PTPN22: variants seen among roughly 807,000 people sequenced by gnomAD.
The protein encoded by PTPN22 is protein tyrosine phosphatase non-receptor type 22.
Under a neutral mutation model 103.3 loss-of-function variants are expected in PTPN22, and 85 were observed. That is an observed-to-expected ratio of 0.82 (90% CI 0.69 to 0.99). The LOEUF is 0.99. Among genes scored for constraint, PTPN22 ranks in the 50% least tolerant of loss-of-function variants. The pLI is 0.00. For missense variants in PTPN22, 865 were observed against 936.9 expected, an observed-to-expected ratio of 0.92 and a Z score of 1.00; for synonymous variants, 323 against 310.2, an observed-to-expected ratio of 1.04 and a Z score of -0.43.
exon 13 of PTPN22, chr1:113,837,677 A>T: frequency 6.2e-7 from 1 of 1,602,480 alleles, no homozygotes; most frequent in Non-Finnish European, 8.6e-7. Context: ...TAATAAGAGA[A>T]GAGGGATGTA....
chr1:113,841,054 G>A (rs995114784), intron 11 of PTPN22, among the ~76,000 whole-genome samples: 16 of 151,928 alleles, frequency 1.1e-4, no homozygotes, highest in Non-Finnish European at 1.6e-4. Flanking sequence ...GAGAAACCCC[G>A]TCTCTACTAA....
At chr1:113,814,793 A>G (rs1661032386) in exon 21 of PTPN22, 3 of 855,000 alleles carry the variant, frequency 3.5e-6, no homozygotes, top group South Asian at 1.5e-5. Flanking sequence ...ACATTAGCAT[A>G]TCTTCATATT....
At chr1:113,814,217 A>G (rs1428242238) in exon 21 of PTPN22, 1 of 152,278 alleles carries the variant, frequency 6.6e-6, no homozygotes, top group Non-Finnish European at 1.5e-5. Flanking sequence ...TTTTGCTACC[A>G]AAAGATAGCT....
At chr1:113,862,796 G>A (rs1477650603) in intron 1 of PTPN22, among the ~76,000 whole-genome samples, 2 of 152,076 alleles carry the variant, frequency 1.3e-5, no homozygotes, top group African/African-American at 4.8e-5. Flanking sequence ...ATTATACCAA[G>A]CCTCCATCAG....
At chr1:113,864,075 C>T in intron 1 of PTPN22, 1 of 324,398 alleles carries the variant, frequency 3.1e-6, no homozygotes, top group Non-Finnish European at 6.0e-6. Flanking sequence ...CGCACCATTG[C>T]ACTCTGGTCT....
At chr1:113,814,235 TTCATTG>T (rs1392712582) in exon 21 of PTPN22, 1 of 152,262 alleles carries the variant, frequency 6.6e-6, no homozygotes, top group Non-Finnish European at 1.5e-5. Flanking sequence ...GCTATTATAT[TTCATTG>T]ATTACTTTTC....
At position 113,856,372 on chromosome 1, in the gene PTPN22, T is replaced by A. The variant is rs1370591103; in HGVS notation, c.540+10A>T. On this transcript the variant is annotated intron_variant, in intron 7 of 20. Coordinates refer to ENST00000359785, the Ensembl canonical transcript of PTPN22. ...GGCTTTTGAGTTTATCATTCTTATTTTATACTTACACTATTGAACTTAACT... is the reference window on the plus strand; with the variant it reads ...GGCTTTTGAGTTTATCATTCTTATTATATACTTACACTATTGAACTTAACT... 6.4e-7 allele frequency: 1 copy of A among 1,553,604 alleles called. No homozygotes were observed. The highest frequency in any genetic ancestry group is 8.7e-7 in the Non-Finnish European group (1 of 1,150,208).
At chr1:113,871,205 T>G (rs1187677370) in intron 1 of PTPN22, among the ~76,000 whole-genome samples, 1 of 152,194 alleles carries the variant, frequency 6.6e-6, no homozygotes, top group Non-Finnish European at 1.5e-5. Context: ...ATTAGTAATA[T>G]AAAGCATAAA....
intron 11 of PTPN22, among the ~76,000 whole-genome samples, chr1:113,846,711 A>T (rs1409075446): frequency 6.6e-6 from 1 of 152,006 alleles, no homozygotes; most frequent in Non-Finnish European, 1.5e-5. Flanking sequence ...GCCCTGAAGG[A>T]TGTTTTCACT....
At chr1:113,815,716 T>A (rs567936230) in intron 20 of PTPN22, among the ~76,000 whole-genome samples, 2 of 152,362 alleles carry the variant, frequency 1.3e-5, no homozygotes, top group Non-Finnish European at 2.9e-5. Context: ...TCTTGCTCTG[T>A]CGCCCAGGCT....
At chr1:113,822,967 CG>C (rs996879417) in intron 19 of PTPN22, among the ~76,000 whole-genome samples, 1 of 152,024 alleles carries the variant, frequency 6.6e-6, no homozygotes, top group African/African-American at 2.4e-5. Flanking sequence ...TCAAAAAAAG[CG>C]GGGGCTTTCT....
At chr1:113,855,768 T>C (rs566546580) in intron 7 of PTPN22, among the ~76,000 whole-genome samples, 6 of 152,300 alleles carry the variant, frequency 3.9e-5, no homozygotes, top group Admixed American at 2.0e-4. Flanking sequence ...AGGAAATAGC[T>C]AGATATGAAA....
At chr1:113,840,374 C>T (rs1332948145) in intron 11 of PTPN22, among the ~76,000 whole-genome samples, 1 of 151,998 alleles carries the variant, frequency 6.6e-6, no homozygotes, top group Non-Finnish European at 1.5e-5. Context: ...AAACGAGTTG[C>T]ATTTCTATAC....
chr1:113,852,060 C>T (rs1469411769), exon 10 of PTPN22: 5 of 1,611,720 alleles, frequency 3.1e-6, no homozygotes, highest in Non-Finnish European at 4.2e-6. Context: ...TCTGTGTCCG[C>T]ATTTCCCGGA....
intron 1 of PTPN22, among the ~76,000 whole-genome samples, chr1:113,868,633 AAAC>A (rs2102208366): frequency 6.6e-6 from 1 of 152,286 alleles, no homozygotes; most frequent in Admixed American, 6.5e-5. Flanking sequence ...CACTACCCAA[AAAC>A]AAGGTCCTTA....
chr1:113,857,648 G>T, intron 5 of PTPN22, 90 bp downstream of exon 5: 1 of 1,191,358 alleles, frequency 8.4e-7, no homozygotes. Flanking sequence ...TTTTATCTAG[G>T]TACACTCAGG....
At chr1:113,842,334 A>G (rs1047444274) in intron 11 of PTPN22, among the ~76,000 whole-genome samples, 2 of 152,182 alleles carry the variant, frequency 1.3e-5, no homozygotes, top group African/African-American at 4.8e-5. Flanking sequence ...ATAAATCAAA[A>G]TCACAATGAG....
chr1:113,823,835 A>G (rs1661817614), intron 19 of PTPN22, among the ~76,000 whole-genome samples: 1 of 152,194 alleles, frequency 6.6e-6, no homozygotes. Flanking sequence ...GAGAAAAGGT[A>G]TGTTTTCCAA....
rs1377644647 is a variant in PTPN22 at position 113,837,980 on chromosome 1, A to G, written c.1420T>C (p.Ser474Pro). The change falls in exon 13 of 21, where the codon TCT becomes CCT. Residue 474 changes from serine (S) to proline (P), a missense_variant. Ser to Pro is a moderately conservative substitution (Grantham distance 74, BLOSUM62 -1). Transcript: ENST00000359785. ...ACAAAACAAGAATCATGTGGTTGAG[A>G]TTCCAAATAAGAAAAGTTTTCCTTG... 1.2e-6 allele frequency: 2 copies of G among 1,614,098 alleles called. No homozygotes were observed. Among genetic ancestry groups the G allele is most frequent in the East Asian group, 2.2e-5 (1 of 44,876 alleles).
Sources: allele counts gnomAD v4.1 joint callset (sites outside exome capture counted in the v4.1 genomes callset), GRCh38; gene constraint gnomAD v4.1.1; transcripts MANE v1.5; gene names NCBI Gene and HGNC (gene_info 2026-07-23, HGNC 2026-07-21).